The following CD96 variants were observed in gnomAD, a reference collection of about 807,000 sequenced individuals.
CD96 encodes CD96 molecule, also known as T-cell surface protein tactile.
A neutral mutation model predicts 71.3 loss-of-function variants in CD96; 70 were observed. The observed-to-expected ratio is 0.98, with a 90% CI of 0.81 to 1.20. CD96 has a LOEUF of 1.20. Among genes scored for constraint, CD96 ranks in the 50% most tolerant of loss-of-function variants. The pLI, the probability that CD96 is intolerant of heterozygous loss-of-function variation, is 0.00. For synonymous variants in CD96, 248 were observed against 233.0 expected (o/e 1.06, Z -0.59); for missense variants, 742 against 677.5 (o/e 1.10, Z -1.06).
chr3:111,608,051 G>A (rs1288003406), intron 8 of CD96, among the ~76,000 whole-genome samples: 3 of 152,184 alleles, frequency 2.0e-5, no homozygotes, highest in South Asian at 2.1e-4. Context: ...AAATTCAGGA[G>A]CAGCCTAGCT....
chr3:111,558,999 G>T (rs1188194348), intron 2 of CD96, among the ~76,000 whole-genome samples: 1 of 152,156 alleles, frequency 6.6e-6, no homozygotes, highest in Non-Finnish European at 1.5e-5. Context: ...TTGCATAGAG[G>T]TGTTTGTAGT....
At chr3:111,601,643 C>G (rs1173756135) in intron 7 of CD96, among the ~76,000 whole-genome samples, 1 of 152,150 alleles carries the variant, frequency 6.6e-6, no homozygotes, top group Non-Finnish European at 1.5e-5. Context: ...TCATATTTAA[C>G]AGTAATCTTA....
chr3:111,644,940 G>A (rs1315758366), intron 12 of CD96, among the ~76,000 whole-genome samples: 1 of 152,160 alleles, frequency 6.6e-6, no homozygotes, highest in Admixed American at 6.5e-5. Context: ...AGCCACTATA[G>A]AAAACAGTGT....
At position 111,553,680 on chromosome 3, in the gene CD96, G is replaced by C. The variant is rs1404740538; in HGVS notation, c.418+8278G>C. Among the ~76,000 whole-genome samples the C allele has an allele frequency of 2.0e-5, 3 of 151,838 alleles. No homozygotes were observed. In the East Asian group the frequency reaches 5.8e-4, roughly 29 times the overall value. On this transcript the variant is annotated intron_variant, in intron 2 of 13. Transcript: ENST00000352690. The stretch of plus-strand genomic sequence containing the variant: ...ATGTATAGTTTGTATAAGAAAAGCA[G>C]AATAGATACTTGATTCTTTCCCTTT...
At chr3:111,585,506 G>A (rs887400122) in intron 5 of CD96, 128 bp downstream of exon 5, 119 of 669,418 alleles carry the variant, frequency 1.8e-4, no homozygotes, top group Non-Finnish European at 2.8e-4. Flanking sequence ...CTGCTAATAG[G>A]GATGAAGGGA....
intron 7 of CD96, among the ~76,000 whole-genome samples, chr3:111,603,638 G>C (rs762736124): frequency 6.6e-6 from 1 of 152,158 alleles, no homozygotes; most frequent in Non-Finnish European, 1.5e-5. Flanking sequence ...TATTTTGGTT[G>C]TCATCTCCCT....
intron 3 of CD96, 90 bp downstream of exon 3, chr3:111,567,737 C>A: frequency 8.4e-7 from 1 of 1,190,332 alleles, no homozygotes. Context: ...GGGAAGGAAG[C>A]ATACAAATAA....
At chr3:111,605,737 C>A (rs565394042) in intron 7 of CD96, among the ~76,000 whole-genome samples, 1 of 152,158 alleles carries the variant, frequency 6.6e-6, no homozygotes, top group African/African-American at 2.4e-5. Context: ...CTTAGAAAAA[C>A]CAATTCCTCC....
chr3:111,548,804 A>C (rs968307139), intron 2 of CD96, among the ~76,000 whole-genome samples: 2 of 152,164 alleles, frequency 1.3e-5, no homozygotes, highest in African/African-American at 4.8e-5. Flanking sequence ...GGTCTAAAAC[A>C]TGTTGTTATC....
Position 111,567,536 on chromosome 3 carries a change from A to T in CD96, c.432A>T (p.Glu144Asp). The part of the protein sequence containing the change: ...LLIQTHVTAD[E>D]WNSNHTIEIE... The stretch of plus-strand genomic sequence containing the variant: ...GTTTTGTTACAGTTACAGCAGATGA[A>T]TGGAACAGCAACCATACGATAGAAA... The change falls in exon 3 of 14, where the codon GAA (glutamate) becomes GAT (aspartate). Residue 144 changes from glutamate to aspartate, a missense_variant. Glu to Asp is a conservative substitution (Grantham distance 45, BLOSUM62 2). Coordinates refer to ENST00000352690, the MANE Select transcript of CD96 (RefSeq NM_005816.5). The T allele has an allele frequency of 6.2e-7, 1 of 1,605,354 alleles. No homozygotes were observed. Among genetic ancestry groups the T allele is most frequent in the Non-Finnish European group, 8.5e-7 (1 of 1,172,206 alleles).
At chr3:111,640,486 A>G (rs578227149) in intron 12 of CD96, among the ~76,000 whole-genome samples, 77 of 152,344 alleles carry the variant, frequency 5.1e-4, no homozygotes, top group African/African-American at 1.7e-3. Context: ...AAAGTCTGGG[A>G]TTATGTTAAA....
At chr3:111,619,489 A>G (rs6780729) in intron 8 of CD96, among the ~76,000 whole-genome samples, 41,160 of 152,146 alleles carry the variant, frequency 0.27, 6,877 homozygotes, top group African/African-American at 0.48. Flanking sequence ...AAACATTTAC[A>G]TTGAAGAAGG....
At chr3:111,623,916 A>G (rs1938624342) in intron 9 of CD96, 94 bp downstream of exon 9, 1 of 848,824 alleles carries the variant, frequency 1.2e-6, no homozygotes, top group Non-Finnish European at 2.0e-6. Flanking sequence ...TTCAGCAAAC[A>G]GCTGTATTTT....
intron 2 of CD96, among the ~76,000 whole-genome samples, chr3:111,555,747 A>G (rs974559990): frequency 1.3e-5 from 2 of 152,298 alleles, no homozygotes; most frequent in Non-Finnish European, 2.9e-5. Context: ...TGTTTGTCCT[A>G]TTCAGGTTTT....
At chr3:111,620,352 G>A (rs538577723) in intron 8 of CD96, among the ~76,000 whole-genome samples, 132 of 152,256 alleles carry the variant, frequency 8.7e-4, no homozygotes, top group African/African-American at 3.1e-3. Flanking sequence ...CAAAAAAAAT[G>A]TATGCAGGGA....
intron 2 of CD96, among the ~76,000 whole-genome samples, chr3:111,563,704 G>T (rs1014681633): frequency 6.6e-6 from 1 of 151,916 alleles, no homozygotes; most frequent in African/African-American, 2.4e-5. Context: ...TATTTATATT[G>T]TATCTTTATT....
intron 7 of CD96, 21 bp from the exon 8 acceptor site, chr3:111,606,679 A>T: frequency 1.7e-6 from 2 of 1,175,014 alleles, no homozygotes; most frequent in Non-Finnish European, 2.6e-6. Context: ...TTCATTATAA[A>T]TCTCTTTCTA....
At chr3:111,584,582 G>T (rs1223023786) in intron 4 of CD96, among the ~76,000 whole-genome samples, 1 of 152,202 alleles carries the variant, frequency 6.6e-6, no homozygotes, top group African/African-American at 2.4e-5. Context: ...CAGAATCATG[G>T]TGCGTGGTGA....
intron 14 of CD96, among the ~76,000 whole-genome samples, chr3:111,663,230 T>A: frequency 6.6e-6 from 1 of 152,114 alleles, no homozygotes. Context: ...ACTCACTCAC[T>A]ATCACAAGAG....
Sources: gnomAD v4.1 joint callset for allele counts (sites outside exome capture counted in the v4.1 genomes callset) on GRCh38, gnomAD v4.1.1 for gene constraint, MANE v1.5 for transcripts, NCBI Gene and HGNC (gene_info 2026-07-23, HGNC 2026-07-21) for gene names.